The following ZNF571 variants were observed in gnomAD, a reference collection of about 807,000 sequenced individuals.
ZNF571 encodes the protein zinc finger protein 571.
In ZNF571, 4 loss-of-function variants were observed where a neutral mutation model predicts 7.7. That is an observed-to-expected ratio of 0.52 (90% CI 0.25 to 1.18). The LOEUF (loss-of-function observed/expected upper bound fraction) is 1.18. Ranked by LOEUF, ZNF571 falls within the 50% of genes most tolerant of loss-of-function variation. The pLI, the probability that ZNF571 is intolerant of heterozygous loss-of-function variation, is 0.14. For missense variants in ZNF571, 704 were observed against 726.9 expected, an observed-to-expected ratio of 0.97 and a Z score of 0.36; for synonymous variants, 251 against 232.4, an observed-to-expected ratio of 1.08 and a Z score of -0.73.
At chr19:37,584,563 T>A (rs1325576496) in intron 2 of ZNF571, among the ~76,000 whole-genome samples, 2 of 152,202 alleles carry the variant, frequency 1.3e-5, no homozygotes, top group African/African-American at 4.8e-5. Flanking sequence ...AACCTAAGAA[T>A]TTTTTGAAGA....
chr19:37,585,527 C>T (rs2043640267), intron 2 of ZNF571: 1 of 152,208 alleles, frequency 6.6e-6, no homozygotes, highest in South Asian at 2.1e-4. Context: ...TGAGACTGCA[C>T]ATTTCACAAG....
chr19:37,578,282 C>G (rs1418230709), intron 3 of ZNF571, among the ~76,000 whole-genome samples: 1 of 152,124 alleles, frequency 6.6e-6, no homozygotes, highest in Non-Finnish European at 1.5e-5. Context: ...TCACAGAGAA[C>G]AGAGAGACAA....
At chr19:37,588,265 T>C (rs1200669601) in intron 1 of ZNF571, among the ~76,000 whole-genome samples, 2 of 151,984 alleles carry the variant, frequency 1.3e-5, no homozygotes, top group African/African-American at 2.4e-5. Context: ...ATACATTCAA[T>C]TTAAATTCAA....
At chr19:37,582,265 C>T (rs1318567989) in intron 3 of ZNF571, among the ~76,000 whole-genome samples, 1 of 152,204 alleles carries the variant, frequency 6.6e-6, no homozygotes, top group Non-Finnish European at 1.5e-5. Context: ...GGGTCACCAA[C>T]ACCCTTCATC....
intron 2 of ZNF571, among the ~76,000 whole-genome samples, chr19:37,584,370 G>A (rs914316074): frequency 6.6e-6 from 1 of 152,134 alleles, no homozygotes; most frequent in Non-Finnish European, 1.5e-5. Flanking sequence ...TACTGCAAGC[G>A]TTTTCTTCAC....
intron 3 of ZNF571, among the ~76,000 whole-genome samples, chr19:37,570,310 C>A (rs1258338164): frequency 6.6e-6 from 1 of 152,220 alleles, no homozygotes; most frequent in East Asian, 1.9e-4. Context: ...AACCTCTGCC[C>A]CGCCTGTGAT....
At chr19:37,585,725 C>T (rs1394936216) in intron 2 of ZNF571, 3 of 152,104 alleles carry the variant, frequency 2.0e-5, no homozygotes, top group Non-Finnish European at 1.5e-5. Context: ...ACCTGAATTT[C>T]GTTACAAAAC....
At chr19:37,568,180 A>C (rs1286724303) in intron 3 of ZNF571, among the ~76,000 whole-genome samples, 4 of 152,240 alleles carry the variant, frequency 2.6e-5, no homozygotes, top group Non-Finnish European at 4.4e-5. Flanking sequence ...AGAATAACAA[A>C]GACTGGTCAT....
At chr19:37,584,448 A>T (rs2043589606) in intron 2 of ZNF571, among the ~76,000 whole-genome samples, 1 of 152,230 alleles carries the variant, frequency 6.6e-6, no homozygotes, top group Non-Finnish European at 1.5e-5. Context: ...CTCAATTAAT[A>T]CAAGTTCTTG....
At chr19:37,590,508 A>G (rs977221467) in intron 1 of ZNF571, among the ~76,000 whole-genome samples, 42 of 152,180 alleles carry the variant, frequency 2.8e-4, no homozygotes, top group Non-Finnish European at 1.2e-4. Context: ...CAATTATTAC[A>G]TCTCTGCTAC....
chr19:37,583,821 T>A (rs1409979102), intron 3 of ZNF571, 150 bp downstream of exon 3: 3 of 716,342 alleles, frequency 4.2e-6, no homozygotes, highest in Admixed American at 5.2e-5. Context: ...GTCTAAAGGA[T>A]AAGAGATAAA....
intron 3 of ZNF571, among the ~76,000 whole-genome samples, chr19:37,581,645 T>G (rs1314927235): frequency 2.0e-5 from 3 of 152,016 alleles, no homozygotes; most frequent in African/African-American, 7.2e-5. Context: ...TTATTTTAAG[T>G]AGAGATGGGG....
intron 1 of ZNF571, 65 bp downstream of exon 1, chr19:37,594,676 G>C (rs1282347142): frequency 6.6e-6 from 1 of 152,228 alleles, no homozygotes. Context: ...CACCATACAA[G>C]AACTACTTTT....
At position 37,565,366 on chromosome 19, in the gene ZNF571, C is replaced by T. The variant is rs1568340367; in HGVS notation, c.1062G>A (p.Gln354=). The change falls in exon 4 of 4, where the codon CAG becomes CAA. Residue 354 remains glutamine, a synonymous_variant. Transcript: ENST00000451802. Reference sequence around the variant, plus strand: ...AGGGTTTCTCTCCTGTATGAATTCTCTGATGTTCATTCAGTTGGGAGGCAC... The same window carrying T: ...AGGGTTTCTCTCCTGTATGAATTCTTTGATGTTCATTCAGTTGGGAGGCAC... ...FLCASQLNEH[Q]RIHTGEKPYE... 6.2e-7 allele frequency: 1 copy of T among 1,613,784 alleles called. No individual in the cohort carries two copies. Among genetic ancestry groups the T allele is most frequent in the East Asian group, 2.2e-5 (1 of 44,858 alleles).
intron 3 of ZNF571, among the ~76,000 whole-genome samples, chr19:37,581,302 CATA>C (rs1161696137): frequency 1.1e-4 from 16 of 152,160 alleles, no homozygotes; most frequent in East Asian, 1.9e-4. Context: ...CTTGTACTAA[CATA>C]ATAATACATA....
intron 3 of ZNF571, among the ~76,000 whole-genome samples, chr19:37,572,133 T>C (rs1005450579): frequency 6.6e-6 from 1 of 152,202 alleles, no homozygotes; most frequent in Non-Finnish European, 1.5e-5. Context: ...ATACATCTCC[T>C]ACTTCTGTTA....
rs780312769 is a variant in ZNF571, at chr19:37,586,269, A to T, written c.9+399T>A. ...TGAGACTAGGAACATCCAACAAAAA[A>T]ATGCTATCACTTTCAAATGGAAAAC... On this transcript the variant is annotated intron_variant, in intron 2 of 3. Coordinates refer to ENST00000451802, the MANE Select transcript of ZNF571 (RefSeq NM_016536.5). 10 of 164,748 alleles carry T rather than the reference A, an allele frequency of 6.1e-5. No homozygotes were observed. In the South Asian group the frequency reaches 1.0e-3, roughly 17 times the overall value. The allele number at this position is 164,748 out of a possible 1,614,324, so 10.2% of individuals were successfully genotyped here. A position where few individuals can be genotyped will look rare whatever the true frequency, so the allele number is the denominator to read the frequency against.
At position 37,565,268 on chromosome 19, in the gene ZNF571, C is replaced by G. The variant is rs145916801; in HGVS notation, c.1160G>C (p.Gly387Ala). Residue 387 changes from glycine to alanine, a missense_variant, in exon 4 of 4, where the codon GGT becomes GCT. Physicochemically the swap from Gly to Ala is moderately conservative, Grantham distance 60. Coordinates refer to ENST00000451802, the MANE Select transcript of ZNF571 (RefSeq NM_016536.5). ...TTCTTTGCATTTATAAGGTCTCTCACCTGAATGAACTCTCAGGTGGTAAGT... is the reference window on the plus strand; with the variant it reads ...TTCTTTGCATTTATAAGGTCTCTCAGCTGAATGAACTCTCAGGTGGTAAGT... ...QLTYHLRVHS[G>A]ERPYKCKECG... The G allele has an allele frequency of 7.8e-5, 126 of 1,611,300 alleles. No individual in the cohort carries two copies. The highest frequency in any genetic ancestry group is 2.2e-5 in the East Asian group (1 of 44,838).
chr19:37,587,248 C>T (rs2043706471), intron 1 of ZNF571: 2 of 152,364 alleles, frequency 1.3e-5, no homozygotes, highest in African/African-American at 4.8e-5. Context: ...TATGCCTGAC[C>T]TTTGCTATGC....
Sources: allele counts gnomAD v4.1 joint callset (sites outside exome capture counted in the v4.1 genomes callset), GRCh38; gene constraint gnomAD v4.1.1; transcripts MANE v1.5; gene names NCBI Gene and HGNC (gene_info 2026-07-23, HGNC 2026-07-21).